Variants in IQSEC3 observed in about 807,000 individuals in gnomAD.
IQSEC3 encodes the protein IQ motif and SEC7 domain-containing protein 3.
IQSEC3 carries 50 observed loss-of-function variants against 105.4 expected under a neutral mutation model. The ratio of observed to expected loss-of-function variants is 0.47; its 90% CI spans 0.38 to 0.60. The LOEUF (loss-of-function observed/expected upper bound fraction) is 0.60. IQSEC3 is among the 20% of genes least tolerant of loss of function. IQSEC3 has a pLI of 0.00. For missense variants in IQSEC3, 1,415 were observed against 1,630.0 expected, an observed-to-expected ratio of 0.87 and a Z score of 2.27; for synonymous variants, 708 against 746.0, an observed-to-expected ratio of 0.95 and a Z score of 0.83.
At chr12:174,353 A>G (rs1939157639) in intron 13 of IQSEC3, among the ~76,000 whole-genome samples, 2 of 152,068 alleles carry the variant, frequency 1.3e-5, no homozygotes, top group Admixed American at 1.3e-4. Context: ...AGATGAAGAG[A>G]CTGAGGCCGT....
rs1555098263 is a variant in IQSEC3 at position 165,864 on chromosome 12, C to T, written c.2945C>T (p.Thr982Met). Residue 982 changes from threonine (T) to methionine (M), a missense_variant, in exon 11 of 14, where the codon ACG becomes ATG. This residue lies in a region of IQSEC3 where 419 missense variants were observed against 436.2 expected (regional missense o/e 0.96). Coordinates refer to ENST00000538872, the MANE Select transcript of IQSEC3 (RefSeq NM_001170738.2). ...CTGAAGGAGTCCATTGCTGAGGTGA[C>T]GGAGCTGGAGCAGATCCGAATAGAG... ...EDLKESIAEV[T>M]ELEQIRIEWE... 20 of 1,613,898 alleles carry T rather than the reference C, an allele frequency of 1.2e-5. No individual in the cohort carries two copies. The highest frequency in any genetic ancestry group is 3.3e-5 in the Admixed American group (2 of 60,004).
At chr12:105,732 G>A (rs1240064017) in intron 2 of IQSEC3, among the ~76,000 whole-genome samples, 1 of 152,234 alleles carries the variant, frequency 6.6e-6, no homozygotes, top group African/African-American at 2.4e-5. Flanking sequence ...GGAAGGTTTT[G>A]TCTTGTCATT....
intron 1 of IQSEC3, among the ~76,000 whole-genome samples, chr12:83,001 G>A (rs1323631753): frequency 6.6e-6 from 1 of 152,236 alleles, no homozygotes; most frequent in Non-Finnish European, 1.5e-5. Flanking sequence ...TTCTGACGCA[G>A]TTCCCTGCTG....
chr12:130,975 A>T, intron 3 of IQSEC3, among the ~76,000 whole-genome samples: 1 of 118,714 alleles, frequency 8.4e-6, no homozygotes. Context: ...AGCCCCCCAC[A>T]CCTCCCCGCG....
At chr12:129,258 A>AGCGCTC (rs782419086) in intron 3 of IQSEC3, among the ~76,000 whole-genome samples, 29 of 152,332 alleles carry the variant, frequency 1.9e-4, no homozygotes, top group Non-Finnish European at 3.2e-4. Flanking sequence ...GTGAAGAGCC[A>AGCGCTC]GCGCTCCTGG....
At chr12:159,299 T>A (rs1866807004) in intron 7 of IQSEC3, among the ~76,000 whole-genome samples, 1 of 152,210 alleles carries the variant, frequency 6.6e-6, no homozygotes, top group Non-Finnish European at 1.5e-5. Context: ...TCCGGGAGCC[T>A]CTGGTCCTGC....
At position 151,209 on chromosome 12, in the gene IQSEC3, T is replaced by C. The variant is rs1317135874; in HGVS notation, c.2154-5816T>C. Among the ~76,000 whole-genome samples, 105 of 106,562 alleles carry C rather than the reference T, an allele frequency of 9.9e-4. 6 individuals are homozygous for C. Among genetic ancestry groups the C allele is most frequent in the African/African-American group, 3.3e-3 (103 of 31,006 alleles). 69.9% of individuals were successfully genotyped at this position (106,562 alleles called of 152,430 possible). On this transcript the variant is annotated intron_variant, in intron 5 of 13. Coordinates refer to ENST00000538872, the MANE Select transcript of IQSEC3 (RefSeq NM_001170738.2). Reference sequence around the variant, plus strand: ...ATGATTCAGTAGAGGGGAGGCACGGTAGCTATCTGAAAGAACACCTCAGAC... The same window carrying C: ...ATGATTCAGTAGAGGGGAGGCACGGCAGCTATCTGAAAGAACACCTCAGAC...
At chr12:160,321 G>T (rs1446820270) in intron 7 of IQSEC3, among the ~76,000 whole-genome samples, 2 of 152,118 alleles carry the variant, frequency 1.3e-5, no homozygotes, top group Non-Finnish European at 1.5e-5. Context: ...GAGGCTGCTG[G>T]CTGGTGAGCT....
intron 12 of IQSEC3, among the ~76,000 whole-genome samples, chr12:170,219 T>C (rs1185319300): frequency 6.6e-6 from 1 of 152,210 alleles, no homozygotes; most frequent in Non-Finnish European, 1.5e-5. Flanking sequence ...TTCATTTCTA[T>C]AAGGTCATAG....
At position 177,379 on chromosome 12, in the gene IQSEC3, C is replaced by G. The variant is rs191209874; in HGVS notation, c.*2346C>G. On this transcript the variant is annotated 3_prime_UTR_variant, in exon 14 of 14. Coordinates refer to ENST00000538872, the MANE Select transcript of IQSEC3 (RefSeq NM_001170738.2). The surrounding 1 kb of genome is among the most constrained non-coding windows in gnomAD (Gnocchi z 5.3). ...CCCCAGGCCCTCCCTCCCACCTCAG[C>G]TGAAGCCCCAATCTTCCAAATCGGA... The G allele has an allele frequency of 6.6e-6, 1 of 152,440 alleles. No homozygotes were observed. Among genetic ancestry groups the G allele is most frequent in the African/African-American group, 2.4e-5 (1 of 41,568 alleles). 9.4% of individuals were successfully genotyped at this position (152,440 alleles called of 1,614,324 possible).
chr12:71,325 A>G (rs1474224350), intron 1 of IQSEC3, among the ~76,000 whole-genome samples: 1 of 152,294 alleles, frequency 6.6e-6, no homozygotes, highest in Non-Finnish European at 1.5e-5. Context: ...TCAAGTGTCC[A>G]GTCTATTCAA....
chr12:110,749 G>A (rs940508195), intron 2 of IQSEC3, among the ~76,000 whole-genome samples: 2 of 152,004 alleles, frequency 1.3e-5, no homozygotes, highest in Non-Finnish European at 2.9e-5. Flanking sequence ...TAAACCGAGG[G>A]GGTCTTCCCA....
intron 5 of IQSEC3, among the ~76,000 whole-genome samples, chr12:144,810 C>T (rs1555090513): frequency 6.6e-6 from 1 of 152,284 alleles, no homozygotes; most frequent in Non-Finnish European, 1.5e-5. Flanking sequence ...AAGAGCCACA[C>T]CCATTCCAGT....
intron 7 of IQSEC3, among the ~76,000 whole-genome samples, chr12:159,010 A>G (rs1221137563): frequency 6.6e-6 from 1 of 152,182 alleles, no homozygotes; most frequent in African/African-American, 2.4e-5. Context: ...CCATTATAGA[A>G]TGTAAGGATT....
rs868945432 is a variant in IQSEC3, at chr12:99,184, C to T, written c.593C>T (p.Ala198Val). 5.0e-6 allele frequency: 8 copies of T among 1,598,952 alleles called. No homozygotes were observed. In the South Asian group the frequency reaches 7.7e-5, roughly 15 times the overall value. ...CTGCACCAGTTCTGCTGCCCAGCCG[C>T]CGACGCCTGCTCCGACCTGGCCTCC... is the stretch of plus-strand genomic sequence containing the variant. ...TVLHQFCCPA[A>V]DACSDLASQS... Residue 198 changes from alanine to valine, a missense_variant, in exon 2 of 14, where the codon GCC becomes GTC. Around this residue, in one of 6 missense-constraint regions of IQSEC3, gnomAD observed 720 missense variants for 633.0 expected, o/e 1.14. Transcript: ENST00000538872.
At position 100,421 on chromosome 12, in the gene IQSEC3, A is replaced by G. The variant is rs73601041; in HGVS notation, c.623+1207A>G. Among the ~76,000 whole-genome samples, 910 of 152,330 alleles carry G rather than the reference A, an allele frequency of 6.0e-3. 12 individuals carry two copies. Among genetic ancestry groups the G allele is most frequent in the African/African-American group, 0.021 (885 of 41,570 alleles). On this transcript the variant is annotated intron_variant, in intron 2 of 13. Transcript: ENST00000538872. Reference sequence around the variant, plus strand: ...ATCTTTCCCCCTTTATCCTCTGGAAAATAACTGGACAGTGATCAGAAGTGG... The same window carrying G: ...ATCTTTCCCCCTTTATCCTCTGGAAGATAACTGGACAGTGATCAGAAGTGG...
chr12:99,714 G>A (rs562946795), intron 2 of IQSEC3, among the ~76,000 whole-genome samples: 28 of 152,300 alleles, frequency 1.8e-4, no homozygotes, highest in South Asian at 4.1e-4. Flanking sequence ...TGACAGCCTC[G>A]GACTGGAGCG....
intron 5 of IQSEC3, among the ~76,000 whole-genome samples, chr12:155,671 G>A (rs1866660040): frequency 1.3e-5 from 2 of 152,176 alleles, no homozygotes; most frequent in Admixed American, 1.3e-4. Context: ...TGGAAGCTGA[G>A]GTCATGGAGG....
chr12:166,218 C>T (rs1555098438), intron 11 of IQSEC3: 2 of 329,688 alleles, frequency 6.1e-6, no homozygotes, highest in Non-Finnish European at 1.1e-5. Context: ...GCCCATGGGG[C>T]TCTGGTGCGT....
Sources: allele counts gnomAD v4.1 joint callset (sites outside exome capture counted in the v4.1 genomes callset), GRCh38; gene constraint gnomAD v4.1.1; regional missense constraint gnomAD v4.1.1; non-coding constraint Gnocchi (gnomAD v3.1); transcripts MANE v1.5; gene names NCBI Gene and HGNC (gene_info 2026-07-23, HGNC 2026-07-21).